Variants in IQCM observed in about 807,000 individuals in gnomAD.
IQCM encodes IQ domain-containing protein M.
Under a neutral mutation model 57.6 loss-of-function variants are expected in IQCM, and 45 were observed. That is an observed-to-expected ratio of 0.78 (90% CI 0.62 to 1.00). The LOEUF is 1.00. Ranked by LOEUF, IQCM falls within the 50% of genes least tolerant of loss-of-function variation. The probability of loss-of-function intolerance (pLI) is 0.00; values close to 1 mark genes in which losing one functional copy is unlikely to be tolerated. For synonymous variants in IQCM, 148 were observed against 158.9 expected, an observed-to-expected ratio of 0.93 and a Z score of 0.51; for missense variants, 468 against 511.6, an observed-to-expected ratio of 0.91 and a Z score of 0.82.
At chr4:149,539,970 G>A (rs1747688611) in intron 12 of IQCM, among the ~76,000 whole-genome samples, 1 of 152,130 alleles carries the variant, frequency 6.6e-6, no homozygotes, top group South Asian at 2.1e-4. Context: ...AGACTGAATT[G>A]TGTCTCCTCC....
chr4:149,457,282 T>G (rs1737801910), intron 12 of IQCM, among the ~76,000 whole-genome samples: 1 of 152,106 alleles, frequency 6.6e-6, no homozygotes. Flanking sequence ...CACAAACAGA[T>G]GTACACAGGC....
intron 11 of IQCM, among the ~76,000 whole-genome samples, chr4:149,551,241 C>CT (rs1682853649): frequency 6.6e-6 from 1 of 152,162 alleles, no homozygotes; most frequent in South Asian, 2.1e-4. Flanking sequence ...GCTCCCTCTG[C>CT]TTAGAACCTT....
intron 6 of IQCM, among the ~76,000 whole-genome samples, chr4:149,683,705 T>C (rs578020576): frequency 3.3e-5 from 5 of 151,486 alleles, no homozygotes; most frequent in African/African-American, 1.2e-4. Context: ...GGATAAGTGT[T>C]ATTTAATCTC....
intron 13 of IQCM, among the ~76,000 whole-genome samples, chr4:149,368,587 G>GTGTATATATATGTGTATATATATA: frequency 6.6e-6 from 1 of 150,906 alleles, no homozygotes; most frequent in Non-Finnish European, 1.5e-5. Context: ...CTGTTTCTAA[G>GTGTATATATATGTGTATATATATA]CAAGGACATG....
chr4:149,374,103 C>G (rs1730547730), intron 13 of IQCM, among the ~76,000 whole-genome samples: 1 of 152,136 alleles, frequency 6.6e-6, no homozygotes, highest in Admixed American at 6.6e-5. Flanking sequence ...GGATCCCCAC[C>G]TGGGGTATGT....
intron 13 of IQCM, among the ~76,000 whole-genome samples, chr4:149,363,948 G>A (rs1392461305): frequency 5.3e-5 from 8 of 152,094 alleles, no homozygotes; most frequent in Non-Finnish European, 1.0e-4. Context: ...TGCTTCTACT[G>A]GAATAGTATG....
intron 7 of IQCM, among the ~76,000 whole-genome samples, chr4:149,675,529 G>A (rs1761677899): frequency 6.6e-6 from 1 of 152,036 alleles, no homozygotes; most frequent in African/African-American, 2.4e-5. Context: ...AGTTTTTGCT[G>A]GCTATGAATT....
chr4:149,474,875 C>CTAGGAAGAAGAA (rs1207941759), intron 12 of IQCM, among the ~76,000 whole-genome samples: 5 of 151,782 alleles, frequency 3.3e-5, no homozygotes, highest in African/African-American at 1.2e-4. Flanking sequence ...GGTGAATGGC[C>CTAGGAAGAAGAA]ACGGTGTTCA....
At chr4:149,355,559 C>A (rs1003936216) in intron 13 of IQCM, among the ~76,000 whole-genome samples, 3 of 152,116 alleles carry the variant, frequency 2.0e-5, no homozygotes, top group South Asian at 2.1e-4. Flanking sequence ...CATGTCCCTA[C>A]AAAGGACGTG....
intron 5 of IQCM, among the ~76,000 whole-genome samples, chr4:149,700,185 T>C (rs1423615523): frequency 1.3e-5 from 2 of 152,058 alleles, no homozygotes; most frequent in Non-Finnish European, 2.9e-5. Context: ...CATATAGGCA[T>C]ACACAAAGAT....
chr4:149,557,656 C>T (rs1354647510), intron 10 of IQCM, among the ~76,000 whole-genome samples: 1 of 152,106 alleles, frequency 6.6e-6, no homozygotes, highest in Non-Finnish European at 1.5e-5. Context: ...TATTGCAACC[C>T]CAACTTCCCA....
intron 7 of IQCM, among the ~76,000 whole-genome samples, chr4:149,665,190 C>T (rs183792482): frequency 1.3e-5 from 2 of 152,162 alleles, no homozygotes; most frequent in East Asian, 2.0e-4. Context: ...TCCATAGCAA[C>T]TTAAATCATA....
chr4:149,548,687 C>G, intron 11 of IQCM, 98 bp from the exon 12 acceptor site: 1 of 538,716 alleles, frequency 1.9e-6, no homozygotes. Context: ...CAGTAAGTCT[C>G]CATGATTAGT....
intron 10 of IQCM, among the ~76,000 whole-genome samples, chr4:149,554,170 T>C (rs1749312496): frequency 6.6e-6 from 1 of 152,192 alleles, no homozygotes; most frequent in Non-Finnish European, 1.5e-5. Context: ...GGCTTTCCTT[T>C]TCTGTGTTTT....
Position 149,576,180 on chromosome 4 carries a change from G to A in IQCM, c.749+11750C>T, listed in dbSNP as rs891572931. 1.2e-4 allele frequency among the ~76,000 whole-genome samples: 18 copies of A among 151,654 alleles called. No individual in the cohort carries two copies. In the South Asian group the frequency reaches 1.7e-3, roughly 14 times the overall value. On this transcript the variant is annotated intron_variant, in intron 9 of 13. Transcript: ENST00000636793. ...AACTTTTCAGGTTTAGGGTGTACCC[G>A]TGCAGGATTTTTTATGGGTATATGG...
At chr4:149,573,330 G>T (rs1287705308) in intron 9 of IQCM, among the ~76,000 whole-genome samples, 4 of 151,484 alleles carry the variant, frequency 2.6e-5, no homozygotes, top group African/African-American at 9.7e-5. Context: ...GAATGGATAG[G>T]AATCACAACA....
At chr4:149,454,405 G>A (rs1737464290) in intron 12 of IQCM, among the ~76,000 whole-genome samples, 1 of 151,776 alleles carries the variant, frequency 6.6e-6, no homozygotes, top group Non-Finnish European at 1.5e-5. Flanking sequence ...CTTGTAAGTG[G>A]GAGCTGAACA....
At chr4:149,408,338 G>A (rs546176810) in intron 13 of IQCM, among the ~76,000 whole-genome samples, 18 of 152,210 alleles carry the variant, frequency 1.2e-4, no homozygotes, top group Admixed American at 2.6e-4. Flanking sequence ...AATAATTGAC[G>A]AAGCATAAAT....
intron 5 of IQCM, among the ~76,000 whole-genome samples, chr4:149,729,167 T>C (rs771289355): frequency 1.1e-3 from 166 of 152,372 alleles, no homozygotes; most frequent in Non-Finnish European, 1.4e-3. Flanking sequence ...ACAATGATTT[T>C]GTCCTGGGAC....
Sources: gnomAD v4.1 joint callset for allele counts (sites outside exome capture counted in the v4.1 genomes callset) on GRCh38, gnomAD v4.1.1 for gene constraint, MANE v1.5 for transcripts, NCBI Gene and HGNC (gene_info 2026-07-23, HGNC 2026-07-21) for gene names.